NDNF: variants seen among roughly 807,000 people sequenced by gnomAD.
NDNF encodes the protein protein NDNF.
A neutral mutation model predicts 42.0 loss-of-function variants in NDNF; 16 were observed. The ratio of observed to expected loss-of-function variants is 0.38; its 90% CI spans 0.26 to 0.58. The LOEUF is 0.58. Ranked by LOEUF, NDNF falls within the 20% of genes least tolerant of loss-of-function variation. The probability of loss-of-function intolerance (pLI) is 0.67; values close to 1 mark genes in which losing one functional copy is unlikely to be tolerated. For synonymous variants in NDNF, 248 were observed against 251.7 expected (o/e 0.99, Z 0.14); for missense variants, 616 against 666.2 (o/e 0.92, Z 0.83).
intron 2 of NDNF, among the ~76,000 whole-genome samples, chr4:121,045,213 G>C (rs1214325402): frequency 6.6e-6 from 1 of 152,040 alleles, no homozygotes; most frequent in South Asian, 2.1e-4. Flanking sequence ...TTAGCCAGGC[G>C]TGGTGGAGGA....
chr4:121,055,826 C>A (rs1475506832), intron 1 of NDNF, among the ~76,000 whole-genome samples: 2 of 151,796 alleles, frequency 1.3e-5, no homozygotes, highest in South Asian at 2.1e-4. Context: ...CACACACGCA[C>A]CCCAGAAGTT....
intron 3 of NDNF, 104 bp downstream of exon 3, chr4:121,039,826 C>T (rs1726964783): frequency 1.4e-5 from 18 of 1,324,892 alleles, no homozygotes; most frequent in East Asian, 2.5e-5. Flanking sequence ...TTCACTTGTG[C>T]ACCCATGCTG....
intron 2 of NDNF, among the ~76,000 whole-genome samples, chr4:121,042,127 T>C (rs1727009204): frequency 1.3e-5 from 2 of 152,230 alleles, no homozygotes; most frequent in Admixed American, 1.3e-4. Flanking sequence ...ATTTGATTAA[T>C]GTCATTTTCC....
At chr4:121,046,748 G>A (rs1206180980) in intron 1 of NDNF, among the ~76,000 whole-genome samples, 1 of 152,190 alleles carries the variant, frequency 6.6e-6, no homozygotes, top group Non-Finnish European at 1.5e-5. Flanking sequence ...GATCCTCTAA[G>A]TAATGATGGA....
At position 121,064,791 on chromosome 4, in the gene NDNF, TA is replaced by T. The variant is rs529398495; in HGVS notation, c.-2+7201del. Among the ~76,000 whole-genome samples, 96 of 152,260 alleles carry T rather than the reference TA, an allele frequency of 6.3e-4. 1 individual carries two copies. The highest frequency in any genetic ancestry group is 2.0e-3 in the African/African-American group (84 of 41,530). On this transcript the variant is annotated intron_variant, in intron 1 of 3. Transcript: ENST00000379692. ...ACACACATACATACTTATAATACATTAAAAAATACTTAAAAGCTCTCTACAC... is the reference window on the plus strand; with the variant it reads ...ACACACATACATACTTATAATACATTAAAAATACTTAAAAGCTCTCTACAC...
At chr4:121,067,406 A>G (rs1727518605) in intron 1 of NDNF, among the ~76,000 whole-genome samples, 1 of 152,242 alleles carries the variant, frequency 6.6e-6, no homozygotes, top group Non-Finnish European at 1.5e-5. Context: ...TTGTTACAGA[A>G]AAAATTAACA....
Position 121,037,495 on chromosome 4 carries a change from A to T in NDNF, c.476T>A (p.Phe159Tyr), listed in dbSNP as rs1185376149. The change falls in exon 4 of 4, where the codon TTC becomes TAC. Residue 159 changes from phenylalanine (F) to tyrosine (Y), a missense_variant. By Grantham distance (22) the Phe-to-Tyr change is conservative. Coordinates refer to ENST00000379692, the MANE Select transcript of NDNF (RefSeq NM_024574.4). ...TGGAGTTGTGGTGGCATATACTTTG[A>T]AATGTGTGTCTTTCTCTGTTGAAAG... ...DLLSTEKDTH[F>Y]KVYATTTPES... is the part of the protein sequence containing the mutation. The T allele has an allele frequency of 6.2e-7, 1 of 1,614,178 alleles. No homozygotes were observed. Among genetic ancestry groups the T allele is most frequent in the South Asian group, 1.1e-5 (1 of 91,080 alleles).
At chr4:121,054,603 G>A (rs542522731) in intron 1 of NDNF, among the ~76,000 whole-genome samples, 8 of 152,324 alleles carry the variant, frequency 5.3e-5, no homozygotes, top group Admixed American at 2.0e-4. Context: ...ATGACAAGAG[G>A]AAGCCAATGA....
chr4:121,063,107 A>G (rs1416292920), intron 1 of NDNF, among the ~76,000 whole-genome samples: 1 of 152,152 alleles, frequency 6.6e-6, no homozygotes, highest in Non-Finnish European at 1.5e-5. Flanking sequence ...ATAATTTTAA[A>G]AATCTTAGAA....
At chr4:121,060,975 A>C (rs1444066117) in intron 1 of NDNF, among the ~76,000 whole-genome samples, 1 of 152,224 alleles carries the variant, frequency 6.6e-6, no homozygotes, top group Non-Finnish European at 1.5e-5. Context: ...GAGTGAGTAG[A>C]TGTACCAGGG....
In NDNF at chr4:121,054,997, GT is replaced by G. The variant is rs5861509; in HGVS notation, c.-1-9160del. On this transcript the variant is annotated intron_variant, in intron 1 of 3. Transcript: ENST00000379692. ...GGTGTGTGCCACCTTACTCAGCTAGGTTTTTTTTTTTATTTTTGTATAGAAG... is the reference window on the plus strand; with the variant it reads ...GGTGTGTGCCACCTTACTCAGCTAGGTTTTTTTTTTATTTTTGTATAGAAG... Among the ~76,000 whole-genome samples, 184 of 148,618 alleles carry G rather than the reference GT, an allele frequency of 1.2e-3. 1 individual carries two copies. The highest frequency in any genetic ancestry group is 1.7e-3 in the Non-Finnish European group (117 of 66,860).
chr4:121,072,376 G>C lies in NDNF; in HGVS notation c.-385C>G, dbSNP rs1213235382. 6.6e-6 allele frequency: 1 copy of C among 151,678 alleles called. No individual in the cohort carries two copies. The highest frequency in any genetic ancestry group is 3.2e-3 in the Middle Eastern group (1 of 314). The allele number at this position is 151,678 out of a possible 1,614,324, so 9.4% of individuals were successfully genotyped here. ...GCGGGAGGATGCCGCAGCGACCCGCGGGGCTGGCGCGGGCTTCGCCGGCCG... is the reference window on the plus strand; with the variant it reads ...GCGGGAGGATGCCGCAGCGACCCGCCGGGCTGGCGCGGGCTTCGCCGGCCG... On this transcript the variant is annotated 5_prime_UTR_variant, in exon 1 of 4. Transcript: ENST00000379692.
chr4:121,036,557 T>C lies in NDNF; in HGVS notation c.1414A>G (p.Thr472Ala), dbSNP rs751807665. 3.1e-6 allele frequency: 5 copies of C among 1,614,128 alleles called. No individual in the cohort carries two copies. The South Asian group carries it at 5.5e-5, about 18-fold the overall frequency. Reference protein sequence around the residue: ...CSSATVAWLGTQERNKFCIYK... With the variant: ...CSSATVAWLGAQERNKFCIYK... The stretch of plus-strand genomic sequence containing the variant: ...ATGCAAAACTTGTTCCTTTCCTGAG[T>C]GCCTAGCCAAGCCACGGTGGCTGAG... Residue 472 changes from threonine to alanine, a missense_variant, in exon 4 of 4, where the codon ACT becomes GCT. Coordinates refer to ENST00000379692, the MANE Select transcript of NDNF (RefSeq NM_024574.4).
chr4:121,041,810 A>T (rs548099272), intron 2 of NDNF, among the ~76,000 whole-genome samples: 73 of 152,304 alleles, frequency 4.8e-4, no homozygotes, highest in African/African-American at 1.7e-3. Context: ...GGGGCAAAGG[A>T]GTTCTTTTCA....
Position 121,047,015 on chromosome 4 carries a change from A to G in NDNF, c.-1-1177T>C, listed in dbSNP as rs144024871. 2.5e-4 allele frequency among the ~76,000 whole-genome samples: 38 copies of G among 152,326 alleles called. 3 individuals carry two copies. The East Asian group carries it at 7.3e-3, about 29-fold the overall frequency. On this transcript the variant is annotated intron_variant, in intron 1 of 3. Coordinates refer to ENST00000379692, the MANE Select transcript of NDNF (RefSeq NM_024574.4). ...CATTAGAGAAATATAGTGTTTTTACATTGAGGTACTTTAAATAGCAAATAT... is the reference window on the plus strand; with the variant it reads ...CATTAGAGAAATATAGTGTTTTTACGTTGAGGTACTTTAAATAGCAAATAT...
At position 121,039,188 on chromosome 4, in the gene NDNF, GTGTGTATATATATATATA is replaced by G. The variant is rs1160052796; in HGVS notation, c.313+724_313+741del. 2.9e-4 allele frequency among the ~76,000 whole-genome samples: 19 copies of G among 66,594 alleles called. 2 individuals carry two copies. The highest frequency in any genetic ancestry group is 1.2e-3 in the African/African-American group (16 of 13,094). The allele number at this position is 66,594 out of a possible 152,430, so 43.7% of individuals were successfully genotyped here. On this transcript the variant is annotated intron_variant, in intron 3 of 3. Transcript: ENST00000379692. ...ATATATATAAAGACTATGTGTGTGT[GTGTGTATATATATATATA>G]TATATATATATATATATATATATAT...
chr4:121,044,872 G>A (rs1727060402), intron 2 of NDNF, among the ~76,000 whole-genome samples: 1 of 152,124 alleles, frequency 6.6e-6, no homozygotes, highest in South Asian at 2.1e-4. Flanking sequence ...AGGCTGAGGT[G>A]GGAGGATTGA....
intron 1 of NDNF, among the ~76,000 whole-genome samples, chr4:121,050,268 C>A (rs1156486028): frequency 6.6e-6 from 1 of 152,132 alleles, no homozygotes; most frequent in Non-Finnish European, 1.5e-5. Flanking sequence ...AAAATTCATT[C>A]TTGTTAAGCA....
At chr4:121,065,156 C>T (rs187318061) in intron 1 of NDNF, among the ~76,000 whole-genome samples, 18 of 152,192 alleles carry the variant, frequency 1.2e-4, no homozygotes, top group Admixed American at 3.3e-4. Flanking sequence ...TCACCTCTGC[C>T]GTTCTTTGTT....
Sources: allele counts gnomAD v4.1 joint callset (sites outside exome capture counted in the v4.1 genomes callset), GRCh38; gene constraint gnomAD v4.1.1; transcripts MANE v1.5; gene names NCBI Gene and HGNC (gene_info 2026-07-23, HGNC 2026-07-21).